The following TKTL1 variants were observed in gnomAD, a reference collection of about 807,000 sequenced individuals.
The protein encoded by TKTL1 is transketolase-like protein 1.
Under a neutral mutation model 39.3 loss-of-function variants are expected in TKTL1, and 1 was observed. That is an observed-to-expected ratio of 0.03 (90% CI 0.01 to 0.12). The LOEUF is 0.12. TKTL1 is among the 10% of genes least tolerant of loss of function. The pLI, the probability that TKTL1 is intolerant of heterozygous loss-of-function variation, is 1.00. For synonymous variants in TKTL1, 262 were observed against 193.8 expected (o/e 1.35, Z -2.92); for missense variants, 575 against 509.6 (o/e 1.13, Z -1.24).
At chrX:154,326,093 T>C (rs1051627059) in intron 10 of TKTL1, among the ~76,000 whole-genome samples, 3 of 112,460 alleles carry the variant, frequency 2.7e-5, no homozygotes, top group African/African-American at 9.7e-5. Context: ...TGATCTCTGG[T>C]ATTCTCACAA....
Position 154,295,813 on chromosome X carries a change from GCCGGAGACGTAGGAGTGGGTCTTCAGACT to G in TKTL1, c.-44_-16del, listed in dbSNP as rs1569550679. The G allele has an allele frequency of 1.7e-6, 2 of 1,191,395 alleles. No homozygotes were observed. Among genetic ancestry groups the G allele is most frequent in the South Asian group, 3.7e-5 (2 of 54,518 alleles). Reference sequence around the variant, plus strand: ...CGCAGGCGCCATTCGCTCTTCAGACGCCGGAGACGTAGGAGTGGGTCTTCAGACTCCAAAGGGGTTGGACTAATGGCGGA... The same window carrying G: ...CGCAGGCGCCATTCGCTCTTCAGACGCCAAAGGGGTTGGACTAATGGCGGA... On this transcript the variant is annotated 5_prime_UTR_variant, in exon 1 of 13. Coordinates refer to ENST00000369915, the MANE Select transcript of TKTL1 (RefSeq NM_012253.4).
chrX:154,305,421 G>A lies in TKTL1; in HGVS notation c.252G>A (p.Lys84=). The stretch of plus-strand genomic sequence containing the variant: ...ACAACGACCGATTTGTCCTCGCAAA[G>A]GTATGCCGGTGGGGAGCCCAGGGCT... The part of the protein sequence containing the change: ...NPDNDRFVLA[K]RLSFVDVATG... Residue 84 remains lysine (K), a splice_region_variant and synonymous_variant, in exon 2 of 13, where the codon AAG becomes AAA. Transcript: ENST00000369915. 8.3e-7 allele frequency: 1 copy of A among 1,207,095 alleles called. No homozygotes were observed. The highest frequency in any genetic ancestry group is 1.1e-6 in the Non-Finnish European group (1 of 892,305).
intron 1 of TKTL1, among the ~76,000 whole-genome samples, chrX:154,302,787 TATAAG>T (rs1225737964): frequency 2.0e-4 from 22 of 111,452 alleles, no homozygotes; most frequent in South Asian, 7.5e-4. Flanking sequence ...CTAGTGTCCT[TATAAG>T]AGAAAGAAAA....
Position 154,327,674 on chromosome X carries a change from G to A in TKTL1, c.1485G>A (p.Glu495=), listed in dbSNP as rs1557172246. 8.3e-7 allele frequency: 1 copy of A among 1,208,998 alleles called. No individual in the cohort carries two copies. The highest frequency in any genetic ancestry group is 1.8e-5 in the African/African-American group (1 of 57,075). Residue 495 remains glutamate (E), a synonymous_variant, in exon 11 of 13, where the codon GAG becomes GAA. Transcript: ENST00000369915. ...ATGAAGCCTTAGCAGCTGCTGATGA[G>A]CTTTCGAAACAAGGTCAGTTGGTTG... ...TVYEALAAAD[E]LSKQDIFIRV...
chrX:154,301,184 A>G lies in TKTL1; in HGVS notation c.135-4120A>G, dbSNP rs2067270715. On this transcript the variant is annotated intron_variant, in intron 1 of 12. Transcript: ENST00000369915. ...TATTATTGATTTCTAACCTCATCCC[A>G]TTGTGGTTAGAGAAAATACTTAGTG... 2.7e-5 allele frequency among the ~76,000 whole-genome samples: 3 copies of G among 110,486 alleles called. No homozygotes were observed. In the South Asian group the frequency reaches 1.2e-3, roughly 42 times the overall value.
intron 6 of TKTL1, among the ~76,000 whole-genome samples, chrX:154,313,930 T>C (rs2067376981): frequency 9.6e-6 from 1 of 104,087 alleles, no homozygotes; most frequent in African/African-American, 3.5e-5. Flanking sequence ...CGAGACTCTG[T>C]CTCAAAAAAA....
intron 5 of TKTL1, among the ~76,000 whole-genome samples, chrX:154,311,798 T>C (rs1260923901): frequency 1.8e-5 from 2 of 111,354 alleles, no homozygotes; most frequent in African/African-American, 3.3e-5. Context: ...ACCGAAAATA[T>C]AGTTTTACTC....
At chrX:154,322,589 G>A (rs1430404981) in intron 8 of TKTL1, among the ~76,000 whole-genome samples, 1 of 111,395 alleles carries the variant, frequency 9.0e-6, no homozygotes, top group Non-Finnish European at 1.9e-5. Context: ...TTAGACAGTG[G>A]TCCTAGGCAA....
chrX:154,301,123 A>G (rs1193755327), intron 1 of TKTL1, among the ~76,000 whole-genome samples: 1 of 111,519 alleles, frequency 9.0e-6, no homozygotes, highest in African/African-American at 3.3e-5. Flanking sequence ...GTGTTGCTTA[A>G]TTTTCACAAA....
chrX:154,298,264 G>A (rs2067246293), intron 1 of TKTL1, among the ~76,000 whole-genome samples: 2 of 110,351 alleles, frequency 1.8e-5, no homozygotes, highest in African/African-American at 6.6e-5. Flanking sequence ...CCAGGCTGGA[G>A]TGCAGTGGTG....
Position 154,312,706 on chromosome X carries a change from A to G in TKTL1, c.797A>G (p.Asp266Gly). ...CTTGACCCACAGCCCCCCATTGAGG[A>G]CTCACCTGAAGTCAACATCACAGAT... Reference protein sequence around the residue: ...RNLDPQPPIEDSPEVNITDVR... With the variant: ...RNLDPQPPIEGSPEVNITDVR... Residue 266 changes from aspartate (D) to glycine (G), a missense_variant, in exon 6 of 13, where the codon GAC becomes GGC. Asp to Gly is a moderately conservative substitution (Grantham distance 94). Transcript: ENST00000369915. 8.3e-7 allele frequency: 1 copy of G among 1,211,545 alleles called. No homozygotes were observed. The highest frequency in any genetic ancestry group is 1.1e-6 in the Non-Finnish European group (1 of 895,386).
Position 154,300,505 on chromosome X carries a change from A to G in TKTL1, c.134+4512A>G, listed in dbSNP as rs782271653. Among the ~76,000 whole-genome samples, 3 of 111,674 alleles carry G rather than the reference A, an allele frequency of 2.7e-5. No individual in the cohort carries two copies. In the Admixed American group the frequency reaches 2.9e-4, roughly 11 times the overall value. ...CACCTCCTTGGTTAAGTATATTCCT[A>G]GGGTGGGTTTTATTTGTTGTTTTTG... On this transcript the variant is annotated intron_variant, in intron 1 of 12. Coordinates refer to ENST00000369915, the MANE Select transcript of TKTL1 (RefSeq NM_012253.4).
intron 2 of TKTL1, among the ~76,000 whole-genome samples, chrX:154,307,657 C>T (rs969122567): frequency 1.8e-5 from 2 of 112,688 alleles, no homozygotes; most frequent in Non-Finnish European, 1.9e-5. Flanking sequence ...CCCATAAAGT[C>T]TTTGAGATGG....
intron 2 of TKTL1, among the ~76,000 whole-genome samples, chrX:154,308,360 A>G (rs1557167623): frequency 7.1e-5 from 8 of 112,015 alleles, no homozygotes; most frequent in Non-Finnish European, 1.3e-4. Context: ...AGCAGCAAGG[A>G]GGCCAGGGTG....
In TKTL1 at chrX:154,330,324, CAATGTT is replaced by C. The variant is rs1453495994; in HGVS notation, c.*640_*645del. 1 of 111,197 alleles carries C rather than the reference CAATGTT, an allele frequency of 9.0e-6. No homozygotes were observed. The highest frequency in any genetic ancestry group is 1.9e-5 in the Non-Finnish European group (1 of 53,042). 9.2% of individuals were successfully genotyped at this position (111,197 alleles called of 1,213,427 possible). A position where few individuals can be genotyped will look rare whatever the true frequency, so the allele number is the denominator to read the frequency against. On this transcript the variant is annotated 3_prime_UTR_variant, in exon 13 of 13. Coordinates refer to ENST00000369915, the MANE Select transcript of TKTL1 (RefSeq NM_012253.4). ...AGCCTCCACACTGTACTGTTCAAGT[CAATGTT>C]AATAAAGCATTTCAAAACCAGCTGC...
At chrX:154,305,085 C>CGG (rs1557166929) in intron 1 of TKTL1, 1 of 1,137,599 alleles carries the variant, frequency 8.8e-7, no homozygotes, top group African/African-American at 1.8e-5. Context: ...CGGTGCTCTG[C>CGG]GGTTAGGAGC....
chrX:154,329,255 T>C (rs1557172664), intron 12 of TKTL1, among the ~76,000 whole-genome samples: 1 of 112,391 alleles, frequency 8.9e-6, no homozygotes, highest in Non-Finnish European at 1.9e-5. Context: ...TCATTAGTTC[T>C]AACCATTTTC....
At chrX:154,301,139 G>A (rs1208946629) in intron 1 of TKTL1, among the ~76,000 whole-genome samples, 1 of 111,636 alleles carries the variant, frequency 9.0e-6, no homozygotes, top group Non-Finnish European at 1.9e-5. Context: ...ACAAATTTGT[G>A]AATTTTCCAG....
chrX:154,320,326 G>A (rs1281512749), intron 7 of TKTL1: 3 of 139,919 alleles, frequency 2.1e-5, no homozygotes, highest in East Asian at 1.9e-4. Flanking sequence ...AGGACAAGGC[G>A]GAGATGGGGC....
Sources: gnomAD v4.1 joint callset for allele counts (sites outside exome capture counted in the v4.1 genomes callset) on GRCh38, gnomAD v4.1.1 for gene constraint, MANE v1.5 for transcripts, NCBI Gene and HGNC (gene_info 2026-07-23, HGNC 2026-07-21) for gene names.